CYP24A1: variants seen among roughly 807,000 people sequenced by gnomAD.
CYP24A1 encodes cytochrome P450 family 24 subfamily A member 1.
A neutral mutation model predicts 62.4 loss-of-function variants in CYP24A1; 68 were observed. The ratio of observed to expected loss-of-function variants is 1.09; its 90% CI spans 0.90 to 1.33. The LOEUF is 1.33. CYP24A1 is among the 40% of genes most tolerant of loss of function. The probability of loss-of-function intolerance (pLI) is 0.00; values close to 1 mark genes in which losing one functional copy is unlikely to be tolerated. For missense variants in CYP24A1, 787 were observed against 653.0 expected (o/e 1.21, Z -2.24); for synonymous variants, 267 against 253.0 (o/e 1.06, Z -0.52).
rs2092698727 is a variant in CYP24A1, at chr20:54,172,898, A to T, written c.449+11T>A. 1 of 1,613,556 alleles carries T rather than the reference A, an allele frequency of 6.2e-7. No homozygotes were observed. Among genetic ancestry groups the T allele is most frequent in the Non-Finnish European group, 8.5e-7 (1 of 1,180,040 alleles). On this transcript the variant is annotated intron_variant, in intron 2 of 11. Coordinates refer to ENST00000216862, the MANE Select transcript of CYP24A1 (RefSeq NM_000782.5). The stretch of plus-strand genomic sequence containing the variant: ...CTGGCCGCATGCCCAGGTCCCTCGG[A>T]TTGGACTCACAGGATCAGCAGCCCG...
rs1040790995 is a variant in CYP24A1 at position 54,153,956 on chromosome 20, C to A, written c.*816G>T. On this transcript the variant is annotated 3_prime_UTR_variant, in exon 12 of 12. Coordinates refer to ENST00000216862, the MANE Select transcript of CYP24A1 (RefSeq NM_000782.5). Reference sequence around the variant, plus strand: ...TGAATGTTTTTAAGCTGTGACTAAACTTTGAAACATTGCCCTGCACCACAG... The same window carrying A: ...TGAATGTTTTTAAGCTGTGACTAAAATTTGAAACATTGCCCTGCACCACAG... 2.0e-5 allele frequency: 3 copies of A among 152,098 alleles called. No homozygotes were observed. The highest frequency in any genetic ancestry group is 7.2e-5 in the African/African-American group (3 of 41,408). 9.4% of individuals were successfully genotyped at this position (152,098 alleles called of 1,614,324 possible).
Position 54,173,821 on chromosome 20 carries a change from T to G in CYP24A1, c.-242A>C. On this transcript the variant is annotated 5_prime_UTR_variant, in exon 1 of 12. Coordinates refer to ENST00000216862, the MANE Select transcript of CYP24A1 (RefSeq NM_000782.5). The surrounding 1 kb of genome is among the most constrained non-coding windows in gnomAD (Gnocchi z 7.2). ...GCCTCCTTGCACTGGCCGCAGGGGC[T>G]GGAAGAGGGTGGCCGGTGTCTGGGG... The G allele has an allele frequency of 1.8e-6, 1 of 568,476 alleles. No individual in the cohort carries two copies. The allele number at this position is 568,476 out of a possible 1,614,324, so 35.2% of individuals were successfully genotyped here.
chr20:54,167,489 T>C (rs2181873), intron 4 of CYP24A1, among the ~76,000 whole-genome samples: 31,727 of 151,968 alleles, frequency 0.21, 3,906 homozygotes, highest in South Asian at 0.35. Context: ...ACACAAAAGT[T>C]AGTCAGGCGT....
the CYP24A1 span, among the ~76,000 whole-genome samples, chr20:54,144,769 A>T: frequency 6.6e-6 from 1 of 151,508 alleles, no homozygotes; most frequent in African/African-American, 2.4e-5. Flanking sequence ...ACATACTGGT[A>T]TACTTTTATA....
chr20:54,144,363 C>T, the CYP24A1 span, among the ~76,000 whole-genome samples: 7 of 151,976 alleles, frequency 4.6e-5, no homozygotes, highest in East Asian at 7.7e-4. Flanking sequence ...GATCCTCCTA[C>T]CTCAGTCTCC....
chr20:54,163,719 C>T (rs983081850), intron 6 of CYP24A1, among the ~76,000 whole-genome samples: 4 of 152,188 alleles, frequency 2.6e-5, no homozygotes, highest in South Asian at 2.1e-4. Flanking sequence ...ATCTAGTCCA[C>T]GGAGATACTG....
At chr20:54,150,551 C>G (rs996910935), downstream of CYP24A1, among the ~76,000 whole-genome samples, 10 of 152,258 alleles carry the variant, frequency 6.6e-5, no homozygotes, top group East Asian at 7.7e-4. Context: ...GTCTCGAACC[C>G]CTGACCTCAG....
rs375955074 is a variant in CYP24A1, at chr20:54,157,149, T to C, written c.*10+20A>G. 4.6e-4 allele frequency: 538 copies of C among 1,177,988 alleles called. 1 individual carries two copies. The highest frequency in any genetic ancestry group is 4.9e-4 in the Non-Finnish European group (386 of 789,074). The allele number at this position is 1,177,988 out of a possible 1,614,324, so 73.0% of individuals were successfully genotyped here. A position where few individuals can be genotyped will look rare whatever the true frequency, so the allele number is the denominator to read the frequency against. ...ATTCTCACTACCTTGCAGAGGATAATGAACCGCCTAGATGCTCACCTGAGG... is the reference window on the plus strand; with the variant it reads ...ATTCTCACTACCTTGCAGAGGATAACGAACCGCCTAGATGCTCACCTGAGG... On this transcript the variant is annotated intron_variant, in intron 11 of 11. Coordinates refer to ENST00000216862, the MANE Select transcript of CYP24A1 (RefSeq NM_000782.5).
chr20:54,166,829 C>T (rs1427931443), intron 4 of CYP24A1, among the ~76,000 whole-genome samples: 1 of 151,822 alleles, frequency 6.6e-6, no homozygotes, highest in Non-Finnish European at 1.5e-5. Flanking sequence ...CCCAGGAGTT[C>T]GAGAATAGCC....
At chr20:54,152,075 G>A (rs1415660234), downstream of CYP24A1, among the ~76,000 whole-genome samples, 4 of 152,160 alleles carry the variant, frequency 2.6e-5, no homozygotes, top group Non-Finnish European at 5.9e-5. Flanking sequence ...GGCAGCAGAC[G>A]TGGCCCTTGC....
In CYP24A1 at chr20:54,173,408, G is replaced by A. The variant is rs761949738; in HGVS notation, c.172C>T (p.Leu58=). The A allele has an allele frequency of 2.4e-5, 38 of 1,578,102 alleles. No homozygotes were observed. The Admixed American group carries it at 6.7e-4, about 28-fold the overall frequency. The part of the protein sequence containing the change: ...AGGETQNAAA[L]PGPTSWPLLG... ...AGTGGCCAGCTGGTGGGGCCCGGCA[G>A]GGCGGCCGCGTTCTGAGTCTCGCCA... is the stretch of plus-strand genomic sequence containing the variant. Residue 58 remains leucine, a synonymous_variant, in exon 1 of 12, where the codon CTG becomes TTG. Coordinates refer to ENST00000216862, the MANE Select transcript of CYP24A1 (RefSeq NM_000782.5). The surrounding 1 kb of genome is among the most constrained non-coding windows in gnomAD (Gnocchi z 7.2).
rs1325118342 is a variant in CYP24A1, at chr20:54,173,980, T to G, written c.-401A>C. On this transcript the variant is annotated 5_prime_UTR_variant, in exon 1 of 12. Coordinates refer to ENST00000216862, the MANE Select transcript of CYP24A1 (RefSeq NM_000782.5). The surrounding 1 kb of genome is among the most constrained non-coding windows in gnomAD (Gnocchi z 7.2). ...CTGGCGCTGCGTTTCCTCCTGTCCC[T>G]CTCCATGTTCCTATGCCCAGGGACC... 4.1e-6 allele frequency: 1 copy of G among 245,860 alleles called. No individual in the cohort carries two copies. The highest frequency in any genetic ancestry group is 8.0e-6 in the Non-Finnish European group (1 of 125,308). The allele number at this position is 245,860 out of a possible 1,614,324, so 15.2% of individuals were successfully genotyped here.
chr20:54,162,466 C>A (rs1287726911), intron 7 of CYP24A1: 2 of 272,968 alleles, frequency 7.3e-6, no homozygotes, highest in Non-Finnish European at 1.3e-5. Context: ...CTCCTCCTAC[C>A]CAGAGTTTAA....
chr20:54,159,658 G>C (rs1412454970), intron 7 of CYP24A1, among the ~76,000 whole-genome samples: 1 of 152,112 alleles, frequency 6.6e-6, no homozygotes, highest in Non-Finnish European at 1.5e-5. Flanking sequence ...AAAAGTGCTG[G>C]GATTACAGGC....
At chr20:54,150,573 G>A (rs2092611080), downstream of CYP24A1, among the ~76,000 whole-genome samples, 1 of 152,084 alleles carries the variant, frequency 6.6e-6, no homozygotes, top group South Asian at 2.1e-4. Flanking sequence ...TGATCCATCG[G>A]CCTCGGCCTC....
At position 54,172,940 on chromosome 20, in the gene CYP24A1, A is replaced by G; in HGVS notation, c.418T>C (p.Tyr140His). The G allele has an allele frequency of 6.2e-7, 1 of 1,613,696 alleles. No homozygotes were observed. Among genetic ancestry groups the G allele is most frequent in the Non-Finnish European group, 8.5e-7 (1 of 1,180,014 alleles). The change falls in exon 2 of 12, where the codon TAC becomes CAC. Residue 140 changes from tyrosine (Y) to histidine (H), a missense_variant. Physicochemically the swap from Tyr to His is moderately conservative, Grantham distance 83 (BLOSUM62 2). Coordinates refer to ENST00000216862, the MANE Select transcript of CYP24A1 (RefSeq NM_000782.5). Reference protein sequence around the residue: ...EIKPWKAYRDYRKEGYGLLIL... With the variant: ...EIKPWKAYRDHRKEGYGLLIL... ...AGCAGCCCGTAGCCTTCTTTGCGGT[A>G]GTCGCGATAGGCCTTCCACGGTTTG...
rs202070065 is a variant in CYP24A1, at chr20:54,171,645, G to A, written c.475C>T (p.Arg159Trp). The A allele has an allele frequency of 7.7e-5, 124 of 1,613,714 alleles. No individual in the cohort carries two copies. The highest frequency in any genetic ancestry group is 8.9e-5 in the Non-Finnish European group (105 of 1,179,830). ...ATTAGTTTCTTTTGAAAGGCACTCC[G>A]GACCCGCTGCCAGTCTTCCCCTTCC... ...ILEGEDWQRV[R>W]SAFQKKLMKP... is the part of the protein sequence containing the mutation. Residue 159 changes from arginine (R) to tryptophan (W), a missense_variant, in exon 3 of 12, where the codon CGG (arginine) becomes TGG (tryptophan). By Grantham distance (101) the Arg-to-Trp change is moderately radical. Transcript: ENST00000216862.
rs566419821 is a variant in CYP24A1, at chr20:54,157,525, T to C, written c.1297A>G (p.Ser433Gly). The change falls in exon 10 of 12, where the codon AGT becomes GGT. Residue 433 changes from serine to glycine, a missense_variant. Physicochemically the swap from Ser to Gly is moderately conservative, Grantham distance 56 (BLOSUM62 0). Coordinates refer to ENST00000216862, the MANE Select transcript of CYP24A1 (RefSeq NM_000782.5). ...GSSEDNFEDS[S>G]QFRPERWLQE... is the part of the protein sequence containing the mutation. Reference sequence around the variant, plus strand: ...AGCCAACGTTCAGGTCTAAACTGACTTGAATCTTCAAAATTGTCTTCACTG... The same window carrying C: ...AGCCAACGTTCAGGTCTAAACTGACCTGAATCTTCAAAATTGTCTTCACTG... The C allele has an allele frequency of 6.2e-7, 1 of 1,602,096 alleles. No homozygotes were observed. The highest frequency in any genetic ancestry group is 1.3e-5 in the African/African-American group (1 of 74,816).
downstream of CYP24A1, chr20:54,153,396 G>T (rs2092616047): frequency 6.6e-6 from 1 of 152,160 alleles, no homozygotes; most frequent in African/African-American, 2.4e-5. Flanking sequence ...AATAAAGTTT[G>T]AATTTGTTTT....
Sources: gnomAD v4.1 joint callset for allele counts (sites outside exome capture counted in the v4.1 genomes callset) on GRCh38, gnomAD v4.1.1 for gene constraint, Gnocchi (gnomAD v3.1) non-coding constraint, MANE v1.5 for transcripts, NCBI Gene and HGNC (gene_info 2026-07-23, HGNC 2026-07-21) for gene names.